The following DLEC1 variants were observed in gnomAD, a reference collection of about 807,000 sequenced individuals.
DLEC1 encodes DLEC1 cilia and flagella associated protein, also known as deleted in lung and esophageal cancer protein 1.
A neutral mutation model predicts 198.1 loss-of-function variants in DLEC1; 146 were observed. That is an observed-to-expected ratio of 0.74 (90% CI 0.64 to 0.85). The LOEUF is 0.85. DLEC1 is among the 40% of genes least tolerant of loss of function. DLEC1 has a pLI of 0.00. For synonymous variants in DLEC1, 897 were observed against 866.8 expected (o/e 1.03, Z -0.61); for missense variants, 2,233 against 2,220.0 (o/e 1.01, Z -0.12).
intron 2 of DLEC1, among the ~76,000 whole-genome samples, chr3:38,049,378 T>C (rs13314428): frequency 1.7e-3 from 253 of 152,270 alleles, no homozygotes; most frequent in African/African-American, 5.9e-3. Flanking sequence ...CCCCTAAAAG[T>C]TTCTTATTTG....
chr3:38,094,483 T>A (rs752219112), intron 12 of DLEC1, among the ~76,000 whole-genome samples: 7 of 152,074 alleles, frequency 4.6e-5, no homozygotes, highest in Non-Finnish European at 7.4e-5. Flanking sequence ...AGGAATGGGG[T>A]TGATGTGGCA....
At chr3:38,055,207 A>G (rs1043284704) in intron 2 of DLEC1, among the ~76,000 whole-genome samples, 2 of 152,240 alleles carry the variant, frequency 1.3e-5, no homozygotes, top group African/African-American at 4.8e-5. Context: ...ACACATTTAA[A>G]CAGAGAAGTG....
Position 38,062,888 on chromosome 3 carries a change from G to T in DLEC1, c.1094+87G>T, listed in dbSNP as rs1012660821. The T allele has an allele frequency of 2.1e-6, 3 of 1,401,984 alleles. No individual in the cohort carries two copies. In the African/African-American group the frequency reaches 4.3e-5, roughly 20 times the overall value. 86.8% of individuals were successfully genotyped at this position (1,401,984 alleles called of 1,614,324 possible). Reference sequence around the variant, plus strand: ...TCCTCCGTTTGGTCTGGCTGTAGAGGTCCCTAGACTTGTGGGGCAGGGTAG... The same window carrying T: ...TCCTCCGTTTGGTCTGGCTGTAGAGTTCCCTAGACTTGTGGGGCAGGGTAG... On this transcript the variant is annotated intron_variant, in intron 5 of 36. Coordinates refer to ENST00000308059, the MANE Select transcript of DLEC1 (RefSeq NM_007335.4).
At chr3:38,070,903 C>T (rs553097696) in intron 6 of DLEC1, among the ~76,000 whole-genome samples, 3 of 152,264 alleles carry the variant, frequency 2.0e-5, no homozygotes, top group South Asian at 2.1e-4. Flanking sequence ...ACAGGAGATG[C>T]GATGGCTTGC....
chr3:38,112,161 C>A lies in DLEC1; in HGVS notation c.3515-49C>A. On this transcript the variant is annotated intron_variant, in intron 24 of 36. Transcript: ENST00000308059. This position sits in a 1 kb window ranked among gnomAD's most constrained non-coding sequence, Gnocchi z 4.8. The stretch of plus-strand genomic sequence containing the variant: ...CTCACACACGAGGGTTTGGACCTCA[C>A]TCCCAACCCCAGGCCCGTGAATCCC... 6.2e-7 allele frequency: 1 copy of A among 1,611,348 alleles called. No homozygotes were observed. The highest frequency in any genetic ancestry group is 1.3e-5 in the African/African-American group (1 of 75,020).
rs1698397088 is a variant in DLEC1 at position 38,085,376 on chromosome 3, T to C, written c.1364T>C (p.Leu455Ser). The C allele has an allele frequency of 6.2e-6, 10 of 1,614,114 alleles. No homozygotes were observed. Among genetic ancestry groups the C allele is most frequent in the Non-Finnish European group, 8.5e-6 (10 of 1,180,010 alleles). The part of the protein sequence containing the change: ...DCLGDFDDFI[L>S]VETQSAHTLL... ...CTTGGGGATTTTGATGATTTTATTT[T>C]AGTGGAGACCCAGTCAGCCCACACA... The change falls in exon 8 of 37, where the codon TTA becomes TCA. Residue 455 changes from leucine (L) to serine (S), a missense_variant. Leu to Ser is a moderately radical substitution (Grantham distance 145). Coordinates refer to ENST00000308059, the MANE Select transcript of DLEC1 (RefSeq NM_007335.4).
Position 38,122,870 on chromosome 3 carries a change from C to T in DLEC1, c.*458C>T, listed in dbSNP as rs1700563061. On this transcript the variant is annotated 3_prime_UTR_variant, in exon 37 of 37. Transcript: ENST00000308059. ...GATGGGTGGCTCAACACCCCACCCACTCCTATACCATGTCATCAGTGTTCA... is the reference window on the plus strand; with the variant it reads ...GATGGGTGGCTCAACACCCCACCCATTCCTATACCATGTCATCAGTGTTCA... 6 of 795,716 alleles carry T rather than the reference C, an allele frequency of 7.5e-6. No homozygotes were observed. Among genetic ancestry groups the T allele is most frequent in the African/African-American group, 6.9e-5 (4 of 57,856 alleles). The allele number at this position is 795,716 out of a possible 1,614,324, so 49.3% of individuals were successfully genotyped here.
intron 10 of DLEC1, among the ~76,000 whole-genome samples, chr3:38,090,354 CAT>C (rs1201471643): frequency 1.3e-5 from 2 of 152,228 alleles, no homozygotes; most frequent in Non-Finnish European, 2.9e-5. Context: ...AGCAACTGCA[CAT>C]GTTTTTACCC....
intron 24 of DLEC1, 95 bp downstream of exon 24, chr3:38,111,842 C>T: frequency 7.1e-7 from 1 of 1,415,468 alleles, no homozygotes; most frequent in Admixed American, 2.1e-5. Flanking sequence ...GGAGCGGGAC[C>T]AGGACCAGAG....
chr3:38,070,363 T>C (rs1017931281), intron 6 of DLEC1, among the ~76,000 whole-genome samples: 3 of 152,232 alleles, frequency 2.0e-5, no homozygotes, highest in African/African-American at 7.2e-5. Context: ...ACCTAACTGG[T>C]GCCTCTTTGA....
At chr3:38,097,047 C>A (rs533662100) in intron 15 of DLEC1, 135 bp from the exon 16 acceptor site, 29 of 922,708 alleles carry the variant, frequency 3.1e-5, no homozygotes, top group Non-Finnish European at 4.3e-5. Context: ...AGGCCCATGG[C>A]TTTGGGTGGC....
chr3:38,086,492 T>C, intron 9 of DLEC1, 115 bp downstream of exon 9: 1 of 1,395,978 alleles, frequency 7.2e-7, no homozygotes, highest in East Asian at 2.4e-5. Flanking sequence ...CGCAGAGTGT[T>C]GTAAACTCTC....
At chr3:38,056,111 ACAC>A in intron 2 of DLEC1, among the ~76,000 whole-genome samples, 1 of 132,880 alleles carries the variant, frequency 7.5e-6, no homozygotes, top group African/African-American at 3.1e-5. Context: ...ACACACACAC[ACAC>A]ACAAATAGCT....
intron 13 of DLEC1, 70 bp from the exon 14 acceptor site, chr3:38,095,818 G>A: frequency 1.3e-6 from 2 of 1,592,402 alleles, no homozygotes; most frequent in Non-Finnish European, 1.7e-6. Flanking sequence ...TTCCTGCCAT[G>A]CCCCAGCCTT....
intron 35 of DLEC1, 58 bp downstream of exon 35, chr3:38,121,839 A>G (rs1054728829): frequency 6.3e-7 from 1 of 1,582,166 alleles, no homozygotes; most frequent in Admixed American, 1.8e-5. Context: ...CCAAGAGAAG[A>G]CCCCCCAGGA....
chr3:38,114,120 A>AG (rs1700026618), intron 25 of DLEC1, among the ~76,000 whole-genome samples: 1 of 151,136 alleles, frequency 6.6e-6, no homozygotes, highest in African/African-American at 2.4e-5. Flanking sequence ...TAAAAAAAAA[A>AG]AAAAAAAAAA....
At chr3:38,067,565 GAGTC>G (rs1263523927) in intron 6 of DLEC1, among the ~76,000 whole-genome samples, 1 of 152,196 alleles carries the variant, frequency 6.6e-6, no homozygotes, top group South Asian at 2.1e-4. Flanking sequence ...TTGCTGGAAA[GAGTC>G]AGTGCTTAGG....
intron 6 of DLEC1, among the ~76,000 whole-genome samples, chr3:38,082,281 G>A (rs1340779686): frequency 4.4e-5 from 6 of 136,446 alleles, no homozygotes; most frequent in Non-Finnish European, 7.9e-5. Context: ...ATGGGATGGC[G>A]GCCGGGCGGA....
At chr3:38,110,045 G>C in intron 22 of DLEC1, 54 bp from the exon 23 acceptor site, 1 of 1,587,240 alleles carries the variant, frequency 6.3e-7, no homozygotes, top group Non-Finnish European at 8.6e-7. Context: ...TCCCTGGGCA[G>C]GGCCAAGGGT....
Sources: allele counts gnomAD v4.1 joint callset (sites outside exome capture counted in the v4.1 genomes callset), GRCh38; gene constraint gnomAD v4.1.1; non-coding constraint Gnocchi (gnomAD v3.1); transcripts MANE v1.5; gene names NCBI Gene and HGNC (gene_info 2026-07-23, HGNC 2026-07-21).